The following MALT1 variants were observed in gnomAD, a reference collection of about 807,000 sequenced individuals.
MALT1 encodes mucosa-associated lymphoid tissue lymphoma translocation protein 1.
MALT1 carries 36 observed loss-of-function variants against 85.5 expected under a neutral mutation model. The observed-to-expected ratio is 0.42, with a 90% CI of 0.32 to 0.56. The LOEUF (loss-of-function observed/expected upper bound fraction) is 0.56, where lower values mean the gene tolerates loss of function less well. Among genes scored for constraint, MALT1 ranks in the 20% least tolerant of loss-of-function variants. MALT1 has a pLI of 0.10. For missense variants in MALT1, 716 were observed against 981.6 expected, an observed-to-expected ratio of 0.73 and a Z score of 3.62; for synonymous variants, 359 against 361.3, an observed-to-expected ratio of 0.99 and a Z score of 0.07.
chr18:58,714,737 C>T (rs551787769), intron 8 of MALT1, among the ~76,000 whole-genome samples: 5 of 152,228 alleles, frequency 3.3e-5, no homozygotes, highest in Admixed American at 6.5e-5. Flanking sequence ...ACAGTGAGAA[C>T]TACATGAAGA....
rs568285754 is a variant in MALT1 at position 58,749,386 on chromosome 18, A to G, written c.*1544A>G. The stretch of plus-strand genomic sequence containing the variant: ...CTGAGGCACCCCCCTAACAGGTGTC[A>G]GAGCTGAAATTCAAACCCCATCCAG... On this transcript the variant is annotated 3_prime_UTR_variant, in exon 17 of 17. Transcript: ENST00000649217. 9.2e-5 allele frequency: 20 copies of G among 216,590 alleles called. No individual in the cohort carries two copies. The highest frequency in any genetic ancestry group is 4.3e-4 in the African/African-American group (19 of 44,568). The allele number at this position is 216,590 out of a possible 1,614,324, so 13.4% of individuals were successfully genotyped here.
chr18:58,713,263 A>C (rs949826743), intron 7 of MALT1, among the ~76,000 whole-genome samples: 1 of 152,182 alleles, frequency 6.6e-6, no homozygotes, highest in Non-Finnish European at 1.5e-5. Context: ...ACTTGAAAAA[A>C]TAGATAGCTA....
chr18:58,681,480 C>G, intron 2 of MALT1, 144 bp downstream of exon 2: 1 of 671,058 alleles, frequency 1.5e-6, no homozygotes, highest in Non-Finnish European at 2.4e-6. Context: ...CAGGTTGAAG[C>G]AAATGCAATG....
rs1461907814 is a variant in MALT1, at chr18:58,710,957, G to A, written c.958+4G>A. On this transcript the variant is annotated splice_donor_region_variant and intron_variant, in intron 7 of 16. Coordinates refer to ENST00000649217, the MANE Select transcript of MALT1 (RefSeq NM_006785.4). ...GAGGCAGTGGAGTGCACTGAAGGTA[G>A]TGTAAGTCTTTGGTTTGAAACCAAA... The A allele has an allele frequency of 2.4e-5, 37 of 1,568,318 alleles. No individual in the cohort carries two copies. The highest frequency in any genetic ancestry group is 2.8e-5 in the Non-Finnish European group (32 of 1,162,002).
At chr18:58,736,454 AAG>A (rs1491089108) in intron 13 of MALT1, among the ~76,000 whole-genome samples, 43 of 148,788 alleles carry the variant, frequency 2.9e-4, no homozygotes, top group African/African-American at 9.7e-4. Context: ...AAAAAAAAAA[AAG>A]AAAGAAAGAA....
In MALT1 at chr18:58,745,666, G is replaced by T; in HGVS notation, c.1912G>T (p.Asp638Tyr). The change falls in exon 16 of 17, where the codon GAT becomes TAT. Residue 638 changes from aspartate (D) to tyrosine (Y), a missense_variant and splice_region_variant. Asp to Tyr is a radical substitution (Grantham distance 160, BLOSUM62 -3). This residue lies in a region of MALT1 where 260 missense variants were observed against 323.7 expected (regional missense o/e 0.80). Transcript: ENST00000649217. ...CAGTCCCTAATTTTTTTTTTTACAG[G>T]ATCTAGATATTGATCCAAAAGATGC... The part of the protein sequence containing the change: ...CDAYVTDFPL[D>Y]LDIDPKDANK... The T allele has an allele frequency of 1.2e-6, 2 of 1,606,498 alleles. No individual in the cohort carries two copies. The highest frequency in any genetic ancestry group is 2.2e-5 in the East Asian group (1 of 44,764).
chr18:58,730,890 T>A (rs1354284742), intron 10 of MALT1, among the ~76,000 whole-genome samples: 2 of 152,218 alleles, frequency 1.3e-5, no homozygotes, highest in Non-Finnish European at 2.9e-5. Flanking sequence ...ATGTGCATAT[T>A]TGCCACTCAT....
intron 9 of MALT1, among the ~76,000 whole-genome samples, chr18:58,718,491 G>A (rs1351811442): frequency 6.6e-6 from 1 of 152,168 alleles, no homozygotes; most frequent in African/African-American, 2.4e-5. Flanking sequence ...TCTCATAGGA[G>A]TGTGAACCCT....
intron 11 of MALT1, chr18:58,734,046 T>A (rs2055191006): frequency 4.7e-6 from 6 of 1,280,204 alleles, no homozygotes; most frequent in Non-Finnish European, 5.9e-6. Flanking sequence ...TCCTCTAGAT[T>A]TACTATTTTT....
intron 10 of MALT1, among the ~76,000 whole-genome samples, chr18:58,725,146 G>T (rs1323733881): frequency 6.7e-6 from 1 of 149,544 alleles, no homozygotes; most frequent in Non-Finnish European, 1.5e-5. Flanking sequence ...AAAAAAAATA[G>T]AATAAAATAA....
intron 10 of MALT1, among the ~76,000 whole-genome samples, chr18:58,731,819 T>G (rs969003107): frequency 1.4e-4 from 19 of 136,608 alleles, no homozygotes; most frequent in African/African-American, 4.7e-4. Context: ...TCTCCTGATC[T>G]CCTGCTTAGA....
At chr18:58,722,118 T>A (rs972920386) in intron 9 of MALT1, among the ~76,000 whole-genome samples, 28 of 144,394 alleles carry the variant, frequency 1.9e-4, no homozygotes, top group Non-Finnish European at 3.4e-4. Flanking sequence ...TTTTTTTTTT[T>A]TTATTTTTTT....
intron 4 of MALT1, 136 bp downstream of exon 4, chr18:58,700,727 T>C: frequency 1.5e-6 from 1 of 647,224 alleles, no homozygotes; most frequent in Non-Finnish European, 2.4e-6. Context: ...TCCATTATAA[T>C]GTCAACCATT....
chr18:58,752,293 ATT>A lies in MALT1; in HGVS notation c.*4454_*4455del, dbSNP rs2055456675. On this transcript the variant is annotated 3_prime_UTR_variant, in exon 17 of 17. Transcript: ENST00000649217. ...ATCTAGATAAAATCTGATGTATGTA[ATT>A]TTACTTTTAAGGGTTTTTTTCCAAA... 6.6e-6 allele frequency: 1 copy of A among 152,108 alleles called. No individual in the cohort carries two copies. The highest frequency in any genetic ancestry group is 2.4e-5 in the African/African-American group (1 of 41,432). 9.4% of individuals were successfully genotyped at this position (152,108 alleles called of 1,614,324 possible).
rs192780519 is a variant in MALT1, at chr18:58,749,615, A to G, written c.*1773A>G. 31 of 219,412 alleles carry G rather than the reference A, an allele frequency of 1.4e-4. No homozygotes were observed. The Admixed American group carries it at 1.5e-3, about 11-fold the overall frequency. 13.6% of individuals were successfully genotyped at this position (219,412 alleles called of 1,614,324 possible). ...GACTGCAAAAGTGCCACGGATATCA[A>G]TTTGAGGGTTATAAATTTTAGCAAG... On this transcript the variant is annotated 3_prime_UTR_variant, in exon 17 of 17. Transcript: ENST00000649217.
chr18:58,696,556 C>T (rs769997336), intron 3 of MALT1, 69 bp downstream of exon 3: 78 of 1,278,302 alleles, frequency 6.1e-5, no homozygotes, highest in African/African-American at 1.2e-4. Flanking sequence ...TTAACATTAT[C>T]GTCCTAAATG....
At chr18:58,673,929 G>T (rs1452920553) in intron 1 of MALT1, 1 of 141,950 alleles carries the variant, frequency 7.0e-6, no homozygotes, top group African/African-American at 2.7e-5. Context: ...AACACGTTGG[G>T]CTTTTGGATA....
intron 7 of MALT1, 78 bp downstream of exon 7, chr18:58,711,031 A>T (rs1435957288): frequency 2.1e-6 from 2 of 962,194 alleles, no homozygotes; most frequent in Non-Finnish European, 3.1e-6. Context: ...CTTTTAGCCT[A>T]CTGAGTGCAG....
At chr18:58,675,730 G>T (rs1464082580) in intron 1 of MALT1, among the ~76,000 whole-genome samples, 1 of 152,098 alleles carries the variant, frequency 6.6e-6, no homozygotes, top group African/African-American at 2.4e-5. Flanking sequence ...CGCCCTCTTG[G>T]TCTTATCCTT....
Sources: gnomAD v4.1 joint callset for allele counts (sites outside exome capture counted in the v4.1 genomes callset) on GRCh38, gnomAD v4.1.1 for gene constraint, gnomAD v4.1.1 regional missense constraint, MANE v1.5 for transcripts, NCBI Gene and HGNC (gene_info 2026-07-23, HGNC 2026-07-21) for gene names.